PTPRR: variants seen among roughly 807,000 people sequenced by gnomAD.
PTPRR encodes receptor-type tyrosine-protein phosphatase R.
In PTPRR, 38 loss-of-function variants were observed where a neutral mutation model predicts 77.2. The observed-to-expected ratio is 0.49, with a 90% CI of 0.38 to 0.65. The LOEUF (loss-of-function observed/expected upper bound fraction) is 0.65. PTPRR is among the 30% of genes least tolerant of loss of function. The pLI is 0.00. For missense variants in PTPRR, 744 were observed against 799.2 expected, an observed-to-expected ratio of 0.93 and a Z score of 0.83; for synonymous variants, 299 against 283.1, an observed-to-expected ratio of 1.06 and a Z score of -0.57.
At chr12:70,809,574 A>G (rs1891773260) in intron 2 of PTPRR, among the ~76,000 whole-genome samples, 1 of 152,134 alleles carries the variant, frequency 6.6e-6, no homozygotes, top group African/African-American at 2.4e-5. Flanking sequence ...CTTCTAACCA[A>G]TATCTTCTCC....
intron 2 of PTPRR, among the ~76,000 whole-genome samples, chr12:70,878,441 G>T (rs886307602): frequency 6.6e-6 from 1 of 152,132 alleles, no homozygotes; most frequent in African/African-American, 2.4e-5. Context: ...GGGGGCAAAG[G>T]ATATGAACAG....
chr12:70,643,505 C>CA (rs369113536), intron 13 of PTPRR, among the ~76,000 whole-genome samples: 92 of 151,544 alleles, frequency 6.1e-4, no homozygotes, highest in African/African-American at 2.0e-3. Flanking sequence ...CTGGTCATAG[C>CA]AAAAAAAGAA....
At chr12:70,734,439 G>A (rs1031525420) in intron 6 of PTPRR, among the ~76,000 whole-genome samples, 2 of 152,166 alleles carry the variant, frequency 1.3e-5, no homozygotes, top group African/African-American at 4.8e-5. Flanking sequence ...AGTGCAAATG[G>A]AGAGTACCCT....
At chr12:70,788,236 T>G (rs1891361557) in intron 2 of PTPRR, among the ~76,000 whole-genome samples, 1 of 152,228 alleles carries the variant, frequency 6.6e-6, no homozygotes, top group African/African-American at 2.4e-5. Context: ...ATTTAGCTGA[T>G]GATGTCTCAT....
In PTPRR at chr12:70,902,244, G is replaced by A. The variant is rs181067643; in HGVS notation, c.59-9267C>T. On this transcript the variant is annotated intron_variant, in intron 1 of 13. Coordinates refer to ENST00000283228, the MANE Select transcript of PTPRR (RefSeq NM_002849.4). Reference sequence around the variant, plus strand: ...AATGTAAACTAGTACAGCCACTATGGAAAACAGTGTGGAGATCCTTAAAGA... The same window carrying A: ...AATGTAAACTAGTACAGCCACTATGAAAAACAGTGTGGAGATCCTTAAAGA... 5.2e-3 allele frequency among the ~76,000 whole-genome samples: 784 copies of A among 151,980 alleles called. 4 individuals are homozygous for A. The highest frequency in any genetic ancestry group is 0.016 in the African/African-American group (660 of 41,510).
intron 6 of PTPRR, among the ~76,000 whole-genome samples, chr12:70,711,659 T>C (rs1888833125): frequency 6.6e-6 from 1 of 152,092 alleles, no homozygotes; most frequent in Non-Finnish European, 1.5e-5. Context: ...AATCCTTAAA[T>C]TTGTTTTTAG....
intron 10 of PTPRR, among the ~76,000 whole-genome samples, chr12:70,682,167 C>T (rs1269684913): frequency 6.7e-6 from 1 of 150,252 alleles, no homozygotes; most frequent in Non-Finnish European, 1.5e-5. Context: ...CCTCAGCCTC[C>T]CGAGTAGCTG....
intron 2 of PTPRR, among the ~76,000 whole-genome samples, chr12:70,837,597 G>A (rs1892326220): frequency 1.3e-5 from 2 of 152,106 alleles, no homozygotes; most frequent in Non-Finnish European, 2.9e-5. Context: ...ATGAAAAGAT[G>A]TATAGGGTGA....
chr12:70,647,215 ATTATT>A (rs1886233940), intron 13 of PTPRR, among the ~76,000 whole-genome samples: 1 of 152,192 alleles, frequency 6.6e-6, no homozygotes, highest in African/African-American at 2.4e-5. Flanking sequence ...GGAATAAGAT[ATTATT>A]TTATATGTTT....
At chr12:70,763,364 C>T (rs1177927460) in intron 3 of PTPRR, among the ~76,000 whole-genome samples, 3 of 152,114 alleles carry the variant, frequency 2.0e-5, no homozygotes, top group Non-Finnish European at 2.9e-5. Context: ...AACTCCTGAC[C>T]TCCAGTTATC....
At chr12:70,681,026 C>T (rs1053083258) in intron 10 of PTPRR, among the ~76,000 whole-genome samples, 1 of 152,132 alleles carries the variant, frequency 6.6e-6, no homozygotes, top group African/African-American at 2.4e-5. Context: ...GCTATATGGG[C>T]TTCATGGATG....
chr12:70,679,393 C>A (rs1382155566), intron 10 of PTPRR, among the ~76,000 whole-genome samples: 1 of 152,102 alleles, frequency 6.6e-6, no homozygotes, highest in Non-Finnish European at 1.5e-5. Flanking sequence ...CTGTAAATAT[C>A]TGTTAGGTCC....
chr12:70,725,346 G>A (rs936985937), intron 6 of PTPRR, among the ~76,000 whole-genome samples: 1 of 152,074 alleles, frequency 6.6e-6, no homozygotes, highest in Admixed American at 6.6e-5. Context: ...CCTTGGGTTG[G>A]CCCATAGCTC....
intron 2 of PTPRR, among the ~76,000 whole-genome samples, chr12:70,814,098 A>T (rs574955326): frequency 1.3e-5 from 2 of 152,332 alleles, no homozygotes; most frequent in African/African-American, 4.8e-5. Flanking sequence ...TTTTTTCTAT[A>T]AAAGCTTATC....
At chr12:70,809,379 T>C (rs1349490142) in intron 2 of PTPRR, among the ~76,000 whole-genome samples, 1 of 151,972 alleles carries the variant, frequency 6.6e-6, no homozygotes, top group Non-Finnish European at 1.5e-5. Context: ...TTCTTATATG[T>C]GAGAAGTTAA....
At chr12:70,842,906 C>T (rs570287744) in intron 2 of PTPRR, among the ~76,000 whole-genome samples, 45 of 152,238 alleles carry the variant, frequency 3.0e-4, no homozygotes, top group African/African-American at 9.9e-4. Context: ...CCTTATAACA[C>T]CATTGTTCTC....
intron 1 of PTPRR, among the ~76,000 whole-genome samples, chr12:70,907,492 C>T (rs1185330193): frequency 6.6e-6 from 1 of 152,140 alleles, no homozygotes; most frequent in Non-Finnish European, 1.5e-5. Context: ...ACAGAATTGA[C>T]AACCGTTTCA....
At chr12:70,659,535 G>C (rs1054872929) in intron 12 of PTPRR, among the ~76,000 whole-genome samples, 1 of 152,066 alleles carries the variant, frequency 6.6e-6, no homozygotes, top group Non-Finnish European at 1.5e-5. Flanking sequence ...TAATCAGAAG[G>C]GGAGCTGGTT....
chr12:70,745,978 C>T lies in PTPRR; in HGVS notation c.847G>A (p.Ala283Thr), dbSNP rs1202892020. ...TGGACCATGCTGTGGACTGTCTTTG[C>T]CTCGGACAGTGCTGGCTGTAATGTG... Reference protein sequence around the residue: ...PITLQPALSEAKTVHSMVQPE... With the variant: ...PITLQPALSETKTVHSMVQPE... The change falls in exon 6 of 14, where the codon GCA (alanine) becomes ACA (threonine). Residue 283 changes from alanine (A) to threonine (T), a missense_variant. Physicochemically the swap from Ala to Thr is moderately conservative, Grantham distance 58. This residue lies in a region of PTPRR where 570 missense variants were observed against 573.2 expected (regional missense o/e 0.99). Coordinates refer to ENST00000283228, the MANE Select transcript of PTPRR (RefSeq NM_002849.4). The T allele has an allele frequency of 6.2e-7, 1 of 1,614,088 alleles. No homozygotes were observed. The highest frequency in any genetic ancestry group is 1.7e-5 in the Admixed American group (1 of 59,998).
Sources: gnomAD v4.1 joint callset for allele counts (sites outside exome capture counted in the v4.1 genomes callset) on GRCh38, gnomAD v4.1.1 for gene constraint, gnomAD v4.1.1 regional missense constraint, MANE v1.5 for transcripts, NCBI Gene and HGNC (gene_info 2026-07-23, HGNC 2026-07-21) for gene names.